The following PUS10 variants were observed in gnomAD, a reference collection of about 807,000 sequenced individuals.
The protein encoded by PUS10 is pseudouridine synthase 10.
PUS10 carries 59 observed loss-of-function variants against 75.0 expected under a neutral mutation model. That is an observed-to-expected ratio of 0.79 (90% CI 0.64 to 0.98). PUS10 has a LOEUF of 0.98. Among genes scored for constraint, PUS10 ranks in the 50% least tolerant of loss-of-function variants. The pLI is 0.00. For missense variants in PUS10, 650 were observed against 614.4 expected, an observed-to-expected ratio of 1.06 and a Z score of -0.61; for synonymous variants, 219 against 211.6, an observed-to-expected ratio of 1.03 and a Z score of -0.30.
At chr2:60,962,604 T>A (rs185684586) in intron 9 of PUS10, among the ~76,000 whole-genome samples, 1,685 of 151,260 alleles carry the variant, frequency 0.011, 26 homozygotes, top group African/African-American at 0.034. Flanking sequence ...TAAGTATTTT[T>A]TAAAAAAAAA....
chr2:60,960,820 T>C (rs1350170928), intron 10 of PUS10, among the ~76,000 whole-genome samples: 1 of 137,238 alleles, frequency 7.3e-6, no homozygotes, highest in Non-Finnish European at 1.6e-5. Context: ...ACAAGTTATA[T>C]AATATTATGA....
chr2:60,960,647 T>A, intron 10 of PUS10, 130 bp from the exon 11 acceptor site: 1 of 714,938 alleles, frequency 1.4e-6, no homozygotes, highest in Non-Finnish European at 2.1e-6. Flanking sequence ...ATCCTTTACC[T>A]AACTAACAAT....
chr2:60,969,205 C>G (rs1317077332), intron 5 of PUS10, among the ~76,000 whole-genome samples: 1 of 152,172 alleles, frequency 6.6e-6, no homozygotes, highest in Admixed American at 6.5e-5. Context: ...GCATTTGAGT[C>G]CAGTTTAAAA....
At chr2:60,974,649 T>C (rs1313093744) in intron 4 of PUS10, among the ~76,000 whole-genome samples, 1 of 152,162 alleles carries the variant, frequency 6.6e-6, no homozygotes, top group African/African-American at 2.4e-5. Flanking sequence ...CGTCTCCAAA[T>C]TTCCAGGTGC....
At chr2:61,008,491 C>CA (rs747659074) in intron 3 of PUS10, among the ~76,000 whole-genome samples, 31 of 149,562 alleles carry the variant, frequency 2.1e-4, no homozygotes, top group Middle Eastern at 3.4e-3. Flanking sequence ...AACTCCATCT[C>CA]AAAAAAAAAG....
chr2:60,944,851 C>T (rs755248068), intron 17 of PUS10, among the ~76,000 whole-genome samples, 158 bp downstream of exon 17: 2 of 151,612 alleles, frequency 1.3e-5, no homozygotes, highest in Non-Finnish European at 2.9e-5. Flanking sequence ...AAAAAAAATC[C>T]GAAGACAGTC....
intron 4 of PUS10, among the ~76,000 whole-genome samples, chr2:60,977,851 G>T (rs1040879142): frequency 4.6e-5 from 7 of 152,102 alleles, no homozygotes; most frequent in African/African-American, 1.7e-4. Flanking sequence ...TAAGAGGAAG[G>T]TATTCAATTT....
In PUS10 at chr2:61,011,903, T is replaced by A. The variant is rs1679629884; in HGVS notation, c.-13A>T. The stretch of plus-strand genomic sequence containing the variant: ...TCAGTGGGAACATATTGAATAATTA[T>A]AACTAGAAAGAAAAGAAGTAAAACT... On this transcript the variant is annotated splice_region_variant and 5_prime_UTR_variant, in exon 2 of 18. Coordinates refer to ENST00000316752, the MANE Select transcript of PUS10 (RefSeq NM_144709.4). 1 of 1,589,140 alleles carries A rather than the reference T, an allele frequency of 6.3e-7. No homozygotes were observed. Among genetic ancestry groups the A allele is most frequent in the Admixed American group, 1.9e-5 (1 of 52,386 alleles).
At chr2:61,017,872 G>T (rs1327418986) in intron 1 of PUS10, 136 bp downstream of exon 1, 1 of 1,548,890 alleles carries the variant, frequency 6.5e-7, no homozygotes, top group South Asian at 1.2e-5. Context: ...GATTCTTCAG[G>T]CTGTGAGTTT....
At chr2:60,972,896 C>A (rs536824921) in intron 4 of PUS10, among the ~76,000 whole-genome samples, 10 of 152,342 alleles carry the variant, frequency 6.6e-5, no homozygotes, top group African/African-American at 2.4e-4. Flanking sequence ...AATAAATTAA[C>A]CGCTAACTGG....
At chr2:60,989,339 A>G (rs1677929918) in intron 4 of PUS10, among the ~76,000 whole-genome samples, 1 of 152,178 alleles carries the variant, frequency 6.6e-6, no homozygotes. Context: ...GTAAAAGAAC[A>G]GAGTTTTATT....
chr2:61,011,813 G>A lies in PUS10; in HGVS notation c.78C>T (p.Phe26=). The A allele has an allele frequency of 6.2e-7, 1 of 1,610,484 alleles. No individual in the cohort carries two copies. Among genetic ancestry groups the A allele is most frequent in the Non-Finnish European group, 8.5e-7 (1 of 1,178,144 alleles). ...CATGAAAATCCACACCACAGAATCT[G>A]AAGATACATCTTGGACAAGTACCAG... ...LNTGTCPRCI[F]RFCGVDFHAP... The change falls in exon 2 of 18, where the codon TTC becomes TTT. Residue 26 remains phenylalanine (F), a synonymous_variant. Coordinates refer to ENST00000316752, the MANE Select transcript of PUS10 (RefSeq NM_144709.4).
In PUS10 at chr2:60,962,879, A is replaced by T. The variant is rs1676118499; in HGVS notation, c.735T>A (p.Thr245=). ...KPAKNKQSVF[T]RMAVMKALNK... ...TCAAGGCTTTCATAACTGCCATTCT[A>T]GTGAATACAGACTATATAGGGTAAA... Residue 245 remains threonine, a synonymous_variant, in exon 9 of 18, where the codon ACT becomes ACA. Coordinates refer to ENST00000316752, the MANE Select transcript of PUS10 (RefSeq NM_144709.4). 1 of 1,569,496 alleles carries T rather than the reference A, an allele frequency of 6.4e-7. No individual in the cohort carries two copies. The highest frequency in any genetic ancestry group is 8.6e-7 in the Non-Finnish European group (1 of 1,164,300).
chr2:60,984,087 G>T (rs1277820918), intron 4 of PUS10, among the ~76,000 whole-genome samples: 1 of 152,056 alleles, frequency 6.6e-6, no homozygotes, highest in East Asian at 1.9e-4. Flanking sequence ...ATAATTGAAA[G>T]ATCAAAACAA....
chr2:60,989,114 T>C (rs1384344514), intron 4 of PUS10, among the ~76,000 whole-genome samples: 1 of 152,062 alleles, frequency 6.6e-6, no homozygotes. Flanking sequence ...AGTTGAATCC[T>C]AAATTGGCAG....
chr2:60,998,688 TTAAAAAAA>T (rs2104622505), intron 4 of PUS10: 1 of 145,080 alleles, frequency 6.9e-6, no homozygotes, highest in African/African-American at 2.8e-5. Flanking sequence ...AGACTTCATC[TTAAAAAAA>T]AAAAAAGAAG....
chr2:60,944,914 T>C, intron 17 of PUS10, 95 bp downstream of exon 17: 2 of 812,954 alleles, frequency 2.5e-6, no homozygotes, highest in South Asian at 2.9e-5. Flanking sequence ...CAAATACCTA[T>C]GGAGGTGGGT....
At chr2:61,017,401 G>C (rs187031172) in intron 1 of PUS10, 59 of 194,824 alleles carry the variant, frequency 3.0e-4, no homozygotes, top group African/African-American at 1.2e-3. Flanking sequence ...ACGAGCGAAG[G>C]AGTGCGTGCG....
At chr2:60,946,510 A>G (rs940267602) in intron 16 of PUS10, among the ~76,000 whole-genome samples, 1 of 152,216 alleles carries the variant, frequency 6.6e-6, no homozygotes, top group East Asian at 1.9e-4. Flanking sequence ...GGCCAGGATT[A>G]GGTAAGAAGA....
Sources: gnomAD v4.1 joint callset for allele counts (sites outside exome capture counted in the v4.1 genomes callset) on GRCh38, gnomAD v4.1.1 for gene constraint, MANE v1.5 for transcripts, NCBI Gene and HGNC (gene_info 2026-07-23, HGNC 2026-07-21) for gene names.